Variants in PARD3B observed in about 807,000 individuals in gnomAD.
PARD3B encodes the protein partitioning defective 3 homolog B.
Under a neutral mutation model 130.2 loss-of-function variants are expected in PARD3B, and 103 were observed. The ratio of observed to expected loss-of-function variants is 0.79; its 90% CI spans 0.67 to 0.93. PARD3B has a LOEUF of 0.93. Ranked by LOEUF, PARD3B falls within the 40% of genes least tolerant of loss-of-function variation. The probability of loss-of-function intolerance (pLI) is 0.00; values close to 1 mark genes in which losing one functional copy is unlikely to be tolerated. For missense variants in PARD3B, 1,609 were observed against 1,499.2 expected (o/e 1.07, Z -1.21); for synonymous variants, 583 against 553.2 (o/e 1.05, Z -0.76).
chr2:204,585,460 A>T (rs2032775318), intron 1 of PARD3B, among the ~76,000 whole-genome samples: 2 of 150,772 alleles, frequency 1.3e-5, no homozygotes, highest in Non-Finnish European at 2.9e-5. Flanking sequence ...CAGCCTCCTA[A>T]GTAGCTGGGA....
chr2:205,417,094 G>A (rs545127402), intron 19 of PARD3B, among the ~76,000 whole-genome samples: 5 of 92,546 alleles, frequency 5.4e-5, no homozygotes, highest in East Asian at 3.1e-4. Context: ...CCCACCCCCC[G>A]GCAGGCCCCA....
chr2:204,723,507 A>G (rs1033491239), intron 2 of PARD3B, among the ~76,000 whole-genome samples: 1 of 152,180 alleles, frequency 6.6e-6, no homozygotes, highest in African/African-American at 2.4e-5. Flanking sequence ...TAACAGTCCA[A>G]AAACAAGAAT....
Position 205,499,967 on chromosome 2 carries a change from A to G in PARD3B, c.3116A>G (p.Glu1039Gly). ...LRKEYYQARR[E>G]GFPLYEDDEG... ...AAAGAGTATTATCAGGCTCGGAGGG[A>G]AGGTTTCCCTTTATATGAAGACGAC... Residue 1039 changes from glutamate (E) to glycine (G), a missense_variant, in exon 21 of 23, where the codon GAA becomes GGA. Physicochemically the swap from Glu to Gly is moderately conservative, Grantham distance 98. Transcript: ENST00000406610. The G allele has an allele frequency of 6.2e-7, 1 of 1,613,872 alleles. No individual in the cohort carries two copies. The highest frequency in any genetic ancestry group is 8.5e-7 in the Non-Finnish European group (1 of 1,179,818).
At chr2:205,372,609 T>G (rs1559713194) in intron 18 of PARD3B, among the ~76,000 whole-genome samples, 1 of 152,228 alleles carries the variant, frequency 6.6e-6, no homozygotes. Context: ...TATATAAAGT[T>G]TCCTTCCTTT....
chr2:205,476,628 T>G (rs1248504275), intron 20 of PARD3B, among the ~76,000 whole-genome samples: 5 of 152,068 alleles, frequency 3.3e-5, no homozygotes, highest in Admixed American at 6.6e-5. Context: ...TTGTTTGTTT[T>G]TTTGTTTGTT....
chr2:204,894,525 A>G (rs958096327), intron 2 of PARD3B, among the ~76,000 whole-genome samples: 4 of 152,064 alleles, frequency 2.6e-5, no homozygotes, highest in African/African-American at 7.2e-5. Context: ...GATATATTAA[A>G]TGCTCCTTAA....
chr2:205,313,159 A>G (rs2042449069), intron 18 of PARD3B, among the ~76,000 whole-genome samples: 1 of 152,178 alleles, frequency 6.6e-6, no homozygotes, highest in African/African-American at 2.4e-5. Flanking sequence ...TTAAGTATAG[A>G]TTAAATTTAG....
chr2:204,880,657 CAAA>C (rs746023895), intron 2 of PARD3B, among the ~76,000 whole-genome samples: 6,746 of 54,816 alleles, frequency 0.12, 246 homozygotes, highest in East Asian at 0.25. Flanking sequence ...GACTCCATCT[CAAA>C]AAAAAAAAAA....
At chr2:205,196,554 T>C (rs1367990529) in intron 15 of PARD3B, among the ~76,000 whole-genome samples, 1 of 152,214 alleles carries the variant, frequency 6.6e-6, no homozygotes, top group Non-Finnish European at 1.5e-5. Context: ...ATTTTCATCA[T>C]TTCTTCTTTT....
chr2:204,937,138 G>A (rs560826411), intron 2 of PARD3B, among the ~76,000 whole-genome samples: 7 of 152,316 alleles, frequency 4.6e-5, no homozygotes, highest in Non-Finnish European at 7.4e-5. Context: ...CATTGACCTC[G>A]GATGATGCCA....
intron 2 of PARD3B, among the ~76,000 whole-genome samples, chr2:204,919,474 T>C (rs935382157): frequency 6.6e-6 from 1 of 152,324 alleles, no homozygotes; most frequent in Middle Eastern, 3.4e-3. Flanking sequence ...TTGCCTTGTG[T>C]AGAACTTCAT....
chr2:204,687,171 A>C (rs775346363), intron 2 of PARD3B, among the ~76,000 whole-genome samples: 1 of 152,098 alleles, frequency 6.6e-6, no homozygotes, highest in Non-Finnish European at 1.5e-5. Context: ...GAATATAAAT[A>C]AGTGATTTAT....
At chr2:205,385,435 T>C (rs2045627822) in intron 18 of PARD3B, among the ~76,000 whole-genome samples, 1 of 152,208 alleles carries the variant, frequency 6.6e-6, no homozygotes, top group South Asian at 2.1e-4. Context: ...AAAAACTGTG[T>C]CATTATTTAG....
At chr2:205,170,848 A>G (rs2035135798) in intron 11 of PARD3B, among the ~76,000 whole-genome samples, 2 of 150,872 alleles carry the variant, frequency 1.3e-5, no homozygotes, top group African/African-American at 4.9e-5. Context: ...CAAATCCCAG[A>G]TACTTCTCAC....
At position 205,116,167 on chromosome 2, in the gene PARD3B, C is replaced by T. The variant is rs948263632; in HGVS notation, c.680+2590C>T. Reference sequence around the variant, plus strand: ...AAAAAAAACACCAAAGTTCTTGCAACTAAAATGCAACTTAATTTTATTCAG... The same window carrying T: ...AAAAAAAACACCAAAGTTCTTGCAATTAAAATGCAACTTAATTTTATTCAG... On this transcript the variant is annotated intron_variant, in intron 6 of 22. Transcript: ENST00000406610. The surrounding 1 kb of genome is among the most constrained non-coding windows in gnomAD (Gnocchi z 4.5). Among the ~76,000 whole-genome samples, 3 of 152,096 alleles carry T rather than the reference C, an allele frequency of 2.0e-5. No homozygotes were observed. Among genetic ancestry groups the T allele is most frequent in the Non-Finnish European group, 4.4e-5 (3 of 68,012 alleles).
intron 18 of PARD3B, among the ~76,000 whole-genome samples, chr2:205,304,194 A>G (rs1475185899): frequency 6.6e-6 from 1 of 152,226 alleles, no homozygotes; most frequent in Non-Finnish European, 1.5e-5. Flanking sequence ...GTGCTCATGA[A>G]ATGCTAAGCA....
intron 21 of PARD3B, among the ~76,000 whole-genome samples, chr2:205,513,973 C>G (rs576709770): frequency 6.6e-6 from 1 of 151,918 alleles, no homozygotes; most frequent in East Asian, 1.9e-4. Flanking sequence ...GCTGTCTGTC[C>G]GCCTCCAAAG....
At chr2:205,224,370 CAAAAAAAA>C (rs1231030778) in intron 15 of PARD3B, among the ~76,000 whole-genome samples, 3 of 56,002 alleles carry the variant, frequency 5.4e-5, no homozygotes, top group African/African-American at 1.7e-4. Flanking sequence ...GACTCCGTCT[CAAAAAAAA>C]AAAAAAAAAA....
intron 20 of PARD3B, among the ~76,000 whole-genome samples, chr2:205,466,537 C>G (rs1334916758): frequency 1.3e-5 from 2 of 152,192 alleles, no homozygotes; most frequent in African/African-American, 4.8e-5. Context: ...TCCTCAAGTG[C>G]TGCTACGAAC....
Sources: allele counts gnomAD v4.1 joint callset (sites outside exome capture counted in the v4.1 genomes callset), GRCh38; gene constraint gnomAD v4.1.1; non-coding constraint Gnocchi (gnomAD v3.1); transcripts MANE v1.5; gene names NCBI Gene and HGNC (gene_info 2026-07-23, HGNC 2026-07-21).